The following ZNF341 variants were observed in gnomAD, a reference collection of about 807,000 sequenced individuals.
The protein encoded by ZNF341 is zinc finger protein 341.
A neutral mutation model predicts 87.7 loss-of-function variants in ZNF341; 52 were observed. The observed-to-expected ratio is 0.59, with a 90% CI of 0.47 to 0.75. ZNF341 has a LOEUF of 0.75. Among genes scored for constraint, ZNF341 ranks in the 30% least tolerant of loss-of-function variants. The pLI, the probability that ZNF341 is intolerant of heterozygous loss-of-function variation, is 0.00. For synonymous variants in ZNF341, 459 were observed against 472.7 expected, an observed-to-expected ratio of 0.97 and a Z score of 0.38; for missense variants, 977 against 1,145.9, an observed-to-expected ratio of 0.85 and a Z score of 2.13.
chr20:33,752,999 T>C (rs563801369), intron 4 of ZNF341, among the ~76,000 whole-genome samples, 173 bp from the exon 5 acceptor site: 5 of 152,328 alleles, frequency 3.3e-5, no homozygotes, highest in Admixed American at 2.0e-4. Context: ...AGCTGAGGCT[T>C]CCTTCGAATT....
At chr20:33,781,017 C>G (rs555011741) in intron 10 of ZNF341, among the ~76,000 whole-genome samples, 1 of 152,252 alleles carries the variant, frequency 6.6e-6, no homozygotes, top group Admixed American at 6.5e-5. Context: ...CAGCCTGTTT[C>G]ATTTTTAAAG....
intron 6 of ZNF341, among the ~76,000 whole-genome samples, chr20:33,758,078 T>C (rs550266551): frequency 6.6e-6 from 1 of 152,218 alleles, no homozygotes; most frequent in African/African-American, 2.4e-5. Flanking sequence ...CCAGGCCCCA[T>C]GTCAGGCACT....
intron 4 of ZNF341, 116 bp downstream of exon 4, chr20:33,749,188 G>T: frequency 2.9e-6 from 4 of 1,389,742 alleles, no homozygotes; most frequent in Non-Finnish European, 3.8e-6. Context: ...CTGATGCTGA[G>T]GGAGGCTATC....
chr20:33,743,144 G>A (rs1244296663), intron 2 of ZNF341, among the ~76,000 whole-genome samples: 1 of 150,120 alleles, frequency 6.7e-6, no homozygotes, highest in Non-Finnish European at 1.5e-5. Flanking sequence ...TGATTCTCCT[G>A]CTTCAGCCTC....
At chr20:33,743,771 A>G (rs1220398310) in intron 2 of ZNF341, among the ~76,000 whole-genome samples, 3 of 152,234 alleles carry the variant, frequency 2.0e-5, no homozygotes, top group South Asian at 2.1e-4. Flanking sequence ...GCCCTCAGCA[A>G]TGGATGGTGT....
intron 5 of ZNF341, 140 bp from the exon 6 acceptor site, chr20:33,757,008 C>T: frequency 1.5e-6 from 1 of 650,806 alleles, no homozygotes; most frequent in South Asian, 4.3e-5. Flanking sequence ...GCTTGGGTGA[C>T]CGGGCCAGGT....
In ZNF341 at chr20:33,791,502, C is replaced by G; in HGVS notation, c.2550C>G (p.Ile850Met). ...CCATGCTCGCTGTGCCCGTCTACATCCAGGCCTCCGAGTGACGGACCTGAG... is the reference window on the plus strand; with the variant it reads ...CCATGCTCGCTGTGCCCGTCTACATGCAGGCCTCCGAGTGACGGACCTGAG... ...PCAMLAVPVY[I>M]QASE Residue 850 changes from isoleucine to methionine, a missense_variant, in exon 15 of 15, where the codon ATC becomes ATG. Physicochemically the swap from Ile to Met is conservative, Grantham distance 10 (BLOSUM62 1). Transcript: ENST00000375200. 6.4e-7 allele frequency: 1 copy of G among 1,565,622 alleles called. No individual in the cohort carries two copies.
chr20:33,737,134 C>T (rs1219351247), intron 1 of ZNF341, among the ~76,000 whole-genome samples: 3 of 152,052 alleles, frequency 2.0e-5, no homozygotes, highest in Non-Finnish European at 2.9e-5. Flanking sequence ...GAACTGTAAC[C>T]ATCCAATGGG....
At position 33,732,015 on chromosome 20, in the gene ZNF341, C is replaced by T. The variant is rs536226894; in HGVS notation, c.-7C>T. ...GTTCCTGTGGCGGCGACGGCGGCGG[C>T]TCCAAGATGGCGCAGGCGATCTTTG... On this transcript the variant is annotated 5_prime_UTR_variant, in exon 1 of 15. Transcript: ENST00000375200. The surrounding 1 kb of genome is among the most constrained non-coding windows in gnomAD (Gnocchi z 4.5). The T allele has an allele frequency of 4.9e-4, 694 of 1,425,798 alleles. 7 individuals carry two copies. The African/African-American group carries it at 9.4e-3, about 19-fold the overall frequency. 88.3% of individuals were successfully genotyped at this position (1,425,798 alleles called of 1,614,324 possible).
chr20:33,762,698 C>T (rs74425394), intron 8 of ZNF341, among the ~76,000 whole-genome samples: 1 of 152,128 alleles, frequency 6.6e-6, no homozygotes, highest in Admixed American at 6.6e-5. Context: ...CCCCAGCCCC[C>T]CGACAGGCCC....
intron 5 of ZNF341, among the ~76,000 whole-genome samples, chr20:33,756,418 G>T (rs2019180610): frequency 6.7e-6 from 1 of 150,274 alleles, no homozygotes; most frequent in Non-Finnish European, 1.5e-5. Flanking sequence ...CCAGGCTGGA[G>T]TGCAGTGGCG....
chr20:33,736,768 T>C lies in ZNF341; in HGVS notation c.32-4134T>C, dbSNP rs941549172. On this transcript the variant is annotated intron_variant, in intron 1 of 14. Coordinates refer to ENST00000375200, the MANE Select transcript of ZNF341 (RefSeq NM_001282933.2). ...TGTATACAGATTTGCACACAAATGC[T>C]AAAACACTCACAATTTTGCATAAAA... Among the ~76,000 whole-genome samples, 5 of 152,182 alleles carry C rather than the reference T, an allele frequency of 3.3e-5. No individual in the cohort carries two copies. The South Asian group carries it at 6.2e-4, about 19-fold the overall frequency.
rs1351615474 is a variant in ZNF341, at chr20:33,745,317, C to T, written c.339+18C>T. ...ATCGCCAGGTATTTGTTCATTTATT[C>T]ATTCAACATGTCTTTTTTGAGGGCC... On this transcript the variant is annotated intron_variant, in intron 3 of 14. Transcript: ENST00000375200. 2 of 1,606,200 alleles carry T rather than the reference C, an allele frequency of 1.2e-6. No individual in the cohort carries two copies. The highest frequency in any genetic ancestry group is 1.7e-6 in the Non-Finnish European group (2 of 1,174,384).
chr20:33,745,090 G>A lies in ZNF341; in HGVS notation c.143-13G>A. The A allele has an allele frequency of 6.2e-7, 1 of 1,605,216 alleles. No homozygotes were observed. The highest frequency in any genetic ancestry group is 8.5e-7 in the Non-Finnish European group (1 of 1,172,546). On this transcript the variant is annotated splice_polypyrimidine_tract_variant and intron_variant, in intron 2 of 14. Coordinates refer to ENST00000375200, the MANE Select transcript of ZNF341 (RefSeq NM_001282933.2). ...TGTGGCCTCTTCCCACTACTCTGCG[G>A]GTATGACCCCAGATGACGAGGATGT...
chr20:33,781,526 G>C (rs2019744877), intron 11 of ZNF341, 139 bp downstream of exon 11: 1 of 709,728 alleles, frequency 1.4e-6, no homozygotes, highest in African/African-American at 1.8e-5. Context: ...CTCCACAGAT[G>C]ACACAGTGTC....
intron 14 of ZNF341, among the ~76,000 whole-genome samples, chr20:33,790,204 T>G (rs1287292502): frequency 6.6e-6 from 1 of 151,926 alleles, no homozygotes; most frequent in African/African-American, 2.4e-5. Context: ...CCCAAGTAGT[T>G]GGGATTACAG....
At chr20:33,786,786 G>T (rs556543949) in intron 12 of ZNF341, among the ~76,000 whole-genome samples, 8 of 131,562 alleles carry the variant, frequency 6.1e-5, no homozygotes, top group African/African-American at 2.2e-4. Flanking sequence ...TGGCCAACGT[G>T]ATGAAACCCC....
chr20:33,740,850 C>T lies in ZNF341; in HGVS notation c.32-52C>T, dbSNP rs574980971. On this transcript the variant is annotated intron_variant, in intron 1 of 14. Transcript: ENST00000375200. The stretch of plus-strand genomic sequence containing the variant: ...TGGGTCTGGCTTGTAAGGGTGATGT[C>T]AGAGCATGATGCTGGGCCTACCTTC... 6 of 1,551,822 alleles carry T rather than the reference C, an allele frequency of 3.9e-6. No homozygotes were observed. The South Asian group carries it at 6.7e-5, about 17-fold the overall frequency.
intron 3 of ZNF341, 61 bp from the exon 4 acceptor site, chr20:33,748,862 A>C (rs941242070): frequency 1.2e-5 from 19 of 1,527,518 alleles, no homozygotes; most frequent in Middle Eastern, 2.1e-4. Flanking sequence ...ACACGCACAC[A>C]TGAGCACACA....
Sources: allele counts gnomAD v4.1 joint callset (sites outside exome capture counted in the v4.1 genomes callset), GRCh38; gene constraint gnomAD v4.1.1; non-coding constraint Gnocchi (gnomAD v3.1); transcripts MANE v1.5; gene names NCBI Gene and HGNC (gene_info 2026-07-23, HGNC 2026-07-21).